Variants in RHBDF1 observed in about 807,000 individuals in gnomAD.
RHBDF1 encodes the protein rhomboid 5 homolog 1.
RHBDF1 carries 80 observed loss-of-function variants against 98.6 expected under a neutral mutation model. That is an observed-to-expected ratio of 0.81 (90% CI 0.68 to 0.98). The LOEUF (loss-of-function observed/expected upper bound fraction) is 0.98, where lower values mean the gene tolerates loss of function less well. Among genes scored for constraint, RHBDF1 ranks in the 50% least tolerant of loss-of-function variants. The probability of loss-of-function intolerance (pLI) is 0.00; values close to 1 mark genes in which losing one functional copy is unlikely to be tolerated. For synonymous variants in RHBDF1, 512 were observed against 486.8 expected (o/e 1.05, Z -0.68); for missense variants, 1,116 against 1,198.3 (o/e 0.93, Z 1.01).
At chr16:66,302 C>T (rs954393430) in intron 1 of RHBDF1, among the ~76,000 whole-genome samples, 1 of 152,184 alleles carries the variant, frequency 6.6e-6, no homozygotes, top group Non-Finnish European at 1.5e-5. Flanking sequence ...CACAGGTCTC[C>T]CTCCCAACTG....
At chr16:66,537 A>C (rs990924462) in intron 1 of RHBDF1, among the ~76,000 whole-genome samples, 7 of 152,182 alleles carry the variant, frequency 4.6e-5, no homozygotes, top group Non-Finnish European at 8.8e-5. Context: ...AATGCTGCTC[A>C]CAGCCCCTAC....
intron 7 of RHBDF1, 184 bp downstream of exon 7, chr16:62,354 C>T: frequency 2.4e-6 from 2 of 838,024 alleles, no homozygotes; most frequent in South Asian, 1.8e-5. Context: ...ACAGGCAAGC[C>T]ATGAGACTGG....
Position 63,581 on chromosome 16 carries a change from G to A in RHBDF1, c.462+6C>T, listed in dbSNP as rs773947840. 1.3e-6 allele frequency: 2 copies of A among 1,542,324 alleles called. No homozygotes were observed. The highest frequency in any genetic ancestry group is 1.9e-5 in the Admixed American group (1 of 51,376). ...GCCTGCAGGAGGCAGCAACAGGCAG[G>A]CATACCTTCTGCATGCCCAGCTGGC... On this transcript the variant is annotated splice_donor_region_variant and intron_variant, in intron 4 of 17. Coordinates refer to ENST00000262316, the MANE Select transcript of RHBDF1 (RefSeq NM_022450.5).
intron 1 of RHBDF1, 128 bp from the exon 2 acceptor site, chr16:65,167 G>A: frequency 1.0e-6 from 1 of 993,394 alleles, no homozygotes; most frequent in East Asian, 2.7e-5. Context: ...CACTGTCAGA[G>A]CACTACTGTG....
rs1468638158 is a variant in RHBDF1 at position 61,139 on chromosome 16, G to A, written c.1538C>T (p.Thr513Ile). ...ACGCACCGAGCACTCCTCCTCCGAG[G>A]TCTGCACGCAGCCCGACCTGTCGTT... ...VRNDRSGCVQ[T>I]SEEECSSTLA... The change falls in exon 11 of 18, where the codon ACC (threonine) becomes ATC (isoleucine). Residue 513 changes from threonine (T) to isoleucine (I), a missense_variant. Coordinates refer to ENST00000262316, the MANE Select transcript of RHBDF1 (RefSeq NM_022450.5). 6.5e-7 allele frequency: 1 copy of A among 1,535,718 alleles called. No homozygotes were observed. Among genetic ancestry groups the A allele is most frequent in the African/African-American group, 1.4e-5 (1 of 72,966 alleles).
At position 62,071 on chromosome 16, in the gene RHBDF1, C is replaced by T. The variant is rs1897654138; in HGVS notation, c.954-19G>A. On this transcript the variant is annotated intron_variant, in intron 7 of 17. Coordinates refer to ENST00000262316, the MANE Select transcript of RHBDF1 (RefSeq NM_022450.5). Reference sequence around the variant, plus strand: ...CAAGGGCCTGGAGGGAGCCGGCATTCACCTCCCGCCCCAGCCCCGCAAACT... The same window carrying T: ...CAAGGGCCTGGAGGGAGCCGGCATTTACCTCCCGCCCCAGCCCCGCAAACT... The T allele has an allele frequency of 6.2e-6, 9 of 1,443,412 alleles. No individual in the cohort carries two copies. Among genetic ancestry groups the T allele is most frequent in the East Asian group, 2.5e-5 (1 of 40,120 alleles). 89.4% of individuals were successfully genotyped at this position (1,443,412 alleles called of 1,614,324 possible).
At chr16:60,786 C>T in intron 11 of RHBDF1, 1 of 568,926 alleles carries the variant, frequency 1.8e-6, no homozygotes, top group Non-Finnish European at 3.1e-6. Flanking sequence ...GACTACGGCA[C>T]TTCCACATAA....
At chr16:68,035 G>A (rs920914570) in intron 1 of RHBDF1, among the ~76,000 whole-genome samples, 2 of 152,072 alleles carry the variant, frequency 1.3e-5, no homozygotes, top group Admixed American at 6.5e-5. Context: ...GACCACAGTC[G>A]GCCCCAGGAA....
At chr16:71,570 A>G (rs1246078705) in intron 1 of RHBDF1, among the ~76,000 whole-genome samples, 1 of 152,238 alleles carries the variant, frequency 6.6e-6, no homozygotes. Flanking sequence ...GGTCTCCAAC[A>G]GGAAGTCCCG....
chr16:62,977 A>G lies in RHBDF1; in HGVS notation c.668T>C (p.Met223Thr). 6.2e-7 allele frequency: 1 copy of G among 1,612,078 alleles called. No homozygotes were observed. The highest frequency in any genetic ancestry group is 1.1e-5 in the South Asian group (1 of 91,014). ...GCCTTTGGCCCCTGCACCCACTTTCATCAGCGCTGCGGCCGCCCGGAAGCT... is the reference window on the plus strand; with the variant it reads ...GCCTTTGGCCCCTGCACCCACTTTCGTCAGCGCTGCGGCCGCCCGGAAGCT... Reference protein sequence around the residue: ...KMSFRAAAALMKGRSVRDGTF... With the variant: ...KMSFRAAAALTKGRSVRDGTF... The change falls in exon 5 of 18, where the codon ATG becomes ACG. Residue 223 changes from methionine (M) to threonine (T), a missense_variant. By Grantham distance (81) the Met-to-Thr change is moderately conservative. Transcript: ENST00000262316.
At position 59,862 on chromosome 16, in the gene RHBDF1, TC is replaced by T. The variant is rs768891350; in HGVS notation, c.1723-37del. ...AATGAGGACGAGCTGAGTCAGGGCCTCCCCCAACCTTTGGCCCCACACCACG... is the reference window on the plus strand; with the variant it reads ...AATGAGGACGAGCTGAGTCAGGGCCTCCCCAACCTTTGGCCCCACACCACG... On this transcript the variant is annotated intron_variant, in intron 13 of 17. Coordinates refer to ENST00000262316, the MANE Select transcript of RHBDF1 (RefSeq NM_022450.5). The T allele has an allele frequency of 1.2e-5, 20 of 1,613,350 alleles. No individual in the cohort carries two copies. In the African/African-American group the frequency reaches 2.4e-4, roughly 19 times the overall value.
At position 58,752 on chromosome 16, in the gene RHBDF1, G is replaced by C; in HGVS notation, c.2156C>G (p.Pro719Arg). The C allele has an allele frequency of 1.2e-6, 2 of 1,612,124 alleles. No homozygotes were observed. Among genetic ancestry groups the C allele is most frequent in the Non-Finnish European group, 1.7e-6 (2 of 1,179,492 alleles). Residue 719 changes from proline to arginine, a missense_variant, in exon 18 of 18, where the codon CCT (proline) becomes CGT (arginine). Coordinates refer to ENST00000262316, the MANE Select transcript of RHBDF1 (RefSeq NM_022450.5). ...IFLPYRAEVG[P>R]AGSQFGILAC... ...CAGGATGCCGAACTGGGAGCCAGCA[G>C]GACCCACCTGGGGGATGGTTGGGGT...
chr16:58,959 G>A lies in RHBDF1; in HGVS notation c.2148+15C>T. ...GTGCACACGGGAGGATCCCCACCCT[G>A]AGGGCCAGCCTTACCTCTGCTCGGT... On this transcript the variant is annotated intron_variant, in intron 17 of 17. Coordinates refer to ENST00000262316, the MANE Select transcript of RHBDF1 (RefSeq NM_022450.5). 1 of 1,612,066 alleles carries A rather than the reference G, an allele frequency of 6.2e-7. No homozygotes were observed. Among genetic ancestry groups the A allele is most frequent in the South Asian group, 1.1e-5 (1 of 91,032 alleles).
Position 61,156 on chromosome 16 carries a change from C to CGGAGTG in RHBDF1, c.1520_1521insCACTCC (p.Arg507delinsSerThrPro). The CGGAGTG allele has an allele frequency of 6.5e-7, 1 of 1,538,638 alleles. No individual in the cohort carries two copies. Among genetic ancestry groups the CGGAGTG allele is most frequent in the Non-Finnish European group, 8.7e-7 (1 of 1,144,986 alleles). ...CCTCCGAGGTCTGCACGCAGCCCGA[C>CGGAGTG]CTGTCGTTGCGCACGCAGCAGGCGG... On this transcript the variant is annotated protein_altering_variant, in exon 11 of 18. Transcript: ENST00000262316.
intron 3 of RHBDF1, chr16:64,334 T>C (rs1242801554): frequency 1.5e-6 from 2 of 1,353,014 alleles, no homozygotes; most frequent in South Asian, 2.5e-5. Flanking sequence ...ATGAGATACC[T>C]GAGCAGGGAC....
chr16:68,643 G>A (rs1897890904), intron 1 of RHBDF1, among the ~76,000 whole-genome samples: 1 of 129,874 alleles, frequency 7.7e-6, no homozygotes, highest in South Asian at 2.5e-4. Flanking sequence ...AAGCCACAGT[G>A]CATCCCAGGA....
intron 1 of RHBDF1, 106 bp downstream of exon 1, chr16:72,407 C>T (rs1485435203): frequency 1.9e-6 from 1 of 526,170 alleles, no homozygotes; most frequent in East Asian, 1.5e-4. Flanking sequence ...CCCGGCCGCT[C>T]TGAGCAGCTC....
At chr16:75,552 A>T (rs543899689), upstream of RHBDF1, among the ~76,000 whole-genome samples, 1 of 152,278 alleles carries the variant, frequency 6.6e-6, no homozygotes, top group South Asian at 2.1e-4. Flanking sequence ...CAGTGGCCTG[A>T]AGTCATAGGC....
At chr16:59,379 T>A in intron 15 of RHBDF1, 30 bp from the exon 16 acceptor site, 1 of 1,611,712 alleles carries the variant, frequency 6.2e-7, no homozygotes, top group Non-Finnish European at 8.5e-7. Context: ...AGCATCACAG[T>A]AGCTGGGGGA....
Sources: gnomAD v4.1 joint callset for allele counts (sites outside exome capture counted in the v4.1 genomes callset) on GRCh38, gnomAD v4.1.1 for gene constraint, MANE v1.5 for transcripts, NCBI Gene and HGNC (gene_info 2026-07-23, HGNC 2026-07-21) for gene names.